ABI2: variants seen among roughly 807,000 people sequenced by gnomAD.
The protein encoded by ABI2 is abelson interactor 2.
Under a neutral mutation model 59.2 loss-of-function variants are expected in ABI2, and 25 were observed. That is an observed-to-expected ratio of 0.42 (90% CI 0.31 to 0.59). The LOEUF is 0.59. Ranked by LOEUF, ABI2 falls within the 20% of genes least tolerant of loss-of-function variation. The pLI, the probability that ABI2 is intolerant of heterozygous loss-of-function variation, is 0.14. For synonymous variants in ABI2, 213 were observed against 235.5 expected (o/e 0.90, Z 0.87); for missense variants, 545 against 681.8 (o/e 0.80, Z 2.23).
chr2:203,336,528 C>CA (rs2152411333), intron 1 of ABI2, among the ~76,000 whole-genome samples: 1 of 152,304 alleles, frequency 6.6e-6, no homozygotes, highest in African/African-American at 2.4e-5. Context: ...AGTGCCTCAT[C>CA]ACCTCCTAGT....
intron 1 of ABI2, among the ~76,000 whole-genome samples, chr2:203,339,002 A>G (rs1201294129): frequency 5.7e-5 from 6 of 105,318 alleles, no homozygotes; most frequent in Non-Finnish European, 1.1e-4. Context: ...ATATATATAT[A>G]TATATAAAGG....
At chr2:203,420,741 A>G (rs2098163887) in intron 11 of ABI2, among the ~76,000 whole-genome samples, 1 of 152,154 alleles carries the variant, frequency 6.6e-6, no homozygotes, top group African/African-American at 2.4e-5. Flanking sequence ...GTCAGCATGG[A>G]TGCTCTATTA....
At chr2:203,402,038 CTATT>C (rs2097245335) in intron 8 of ABI2, among the ~76,000 whole-genome samples, 5 of 151,960 alleles carry the variant, frequency 3.3e-5, no homozygotes, top group Admixed American at 3.3e-4. Flanking sequence ...AAGTAGCAAA[CTATT>C]TATTTATTTT....
In ABI2 at chr2:203,430,980, T is replaced by G. The variant is rs1397925547; in HGVS notation, c.*3628T>G. ...TGTTTTTATCTTTTACTACCTTTTC[T>G]TTTCTCCTTTGTGGAGACAGCATGA... is the stretch of plus-strand genomic sequence containing the variant. On this transcript the variant is annotated 3_prime_UTR_variant, in exon 12 of 12. Coordinates refer to ENST00000261018, the MANE Select transcript of ABI2 (RefSeq NM_001375670.1). 1 of 152,230 alleles carries G rather than the reference T, an allele frequency of 6.6e-6. No individual in the cohort carries two copies. The highest frequency in any genetic ancestry group is 1.9e-4 in the East Asian group (1 of 5,202). The allele number at this position is 152,230 out of a possible 1,614,324, so 9.4% of individuals were successfully genotyped here.
chr2:203,388,435 C>T (rs559838220), intron 4 of ABI2, among the ~76,000 whole-genome samples: 5 of 152,192 alleles, frequency 3.3e-5, no homozygotes, highest in South Asian at 4.2e-4. Context: ...GTAATCCCAG[C>T]GCTTTGGGAG....
chr2:203,333,042 T>A (rs748863110), intron 1 of ABI2, among the ~76,000 whole-genome samples: 3 of 152,188 alleles, frequency 2.0e-5, no homozygotes, highest in Non-Finnish European at 1.5e-5. Flanking sequence ...CTTCTCTTAA[T>A]CAATGTGGAT....
At chr2:203,384,303 T>TTG (rs1559289443) in intron 4 of ABI2, among the ~76,000 whole-genome samples, 6 of 144,524 alleles carry the variant, frequency 4.2e-5, no homozygotes, top group African/African-American at 7.8e-5. Context: ...TTTTTTTTTT[T>TTG]TTTTTTTTTT....
At chr2:203,342,661 C>T (rs921417494) in intron 1 of ABI2, among the ~76,000 whole-genome samples, 1 of 151,790 alleles carries the variant, frequency 6.6e-6, no homozygotes, top group Non-Finnish European at 1.5e-5. Context: ...CTCACTGCAG[C>T]CTCTGCCTCC....
At chr2:203,376,215 C>A in intron 2 of ABI2, 1 of 1,001,494 alleles carries the variant, frequency 1.0e-6, no homozygotes. Flanking sequence ...GGACATTTGG[C>A]AATGTTAGAC....
At chr2:203,387,441 C>T (rs905294116) in intron 4 of ABI2, among the ~76,000 whole-genome samples, 12 of 152,152 alleles carry the variant, frequency 7.9e-5, no homozygotes, top group South Asian at 4.1e-4. Flanking sequence ...CTTCTACCTC[C>T]GGTGGTATTT....
At chr2:203,345,140 C>T (rs1397341453) in intron 1 of ABI2, among the ~76,000 whole-genome samples, 1 of 152,224 alleles carries the variant, frequency 6.6e-6, no homozygotes, top group Non-Finnish European at 1.5e-5. Flanking sequence ...TGGGTCCGCA[C>T]TACCTTTATG....
rs199823599 is a variant in ABI2 at position 203,405,715 on chromosome 2, T to TG, written c.1192+2988dup. Among the ~76,000 whole-genome samples the TG allele has an allele frequency of 9.3e-4, 142 of 152,142 alleles. No individual in the cohort carries two copies. The East Asian group carries it at 0.017, about 19-fold the overall frequency. On this transcript the variant is annotated intron_variant, in intron 9 of 11. Coordinates refer to ENST00000261018, the MANE Select transcript of ABI2 (RefSeq NM_001375670.1). The stretch of plus-strand genomic sequence containing the variant: ...GTGTGTGTTTTATGAGCTTTTTTTT[T>TG]GGGGGGGTAATTGGAGTCTTGCTGT...
At chr2:203,341,559 A>C (rs1301378635) in intron 1 of ABI2, among the ~76,000 whole-genome samples, 1 of 152,044 alleles carries the variant, frequency 6.6e-6, no homozygotes, top group African/African-American at 2.4e-5. Flanking sequence ...TACTAAAAAC[A>C]AAAAAATTTC....
At chr2:203,421,341 A>G (rs2098196056) in intron 11 of ABI2, among the ~76,000 whole-genome samples, 1 of 152,226 alleles carries the variant, frequency 6.6e-6, no homozygotes, top group African/African-American at 2.4e-5. Context: ...GCACTTTTCA[A>G]AGTTATTTGC....
intron 7 of ABI2, among the ~76,000 whole-genome samples, chr2:203,396,239 G>A (rs899157640): frequency 3.0e-4 from 46 of 152,196 alleles, no homozygotes; most frequent in African/African-American, 1.0e-3. Flanking sequence ...TATTTGATTC[G>A]AGGAGATACA....
chr2:203,420,235 C>T (rs1361077480), intron 11 of ABI2, among the ~76,000 whole-genome samples: 2 of 152,176 alleles, frequency 1.3e-5, no homozygotes, highest in African/African-American at 4.8e-5. Flanking sequence ...TAAGTCCTCC[C>T]TGGAAAACTT....
chr2:203,378,318 A>C (rs1028441523), intron 2 of ABI2, among the ~76,000 whole-genome samples: 1 of 152,018 alleles, frequency 6.6e-6, no homozygotes, highest in Non-Finnish European at 1.5e-5. Flanking sequence ...TCACCGTGTT[A>C]GCCAGGATGG....
At chr2:203,331,637 G>A (rs995389251) in intron 1 of ABI2, among the ~76,000 whole-genome samples, 4 of 151,912 alleles carry the variant, frequency 2.6e-5, no homozygotes, top group Admixed American at 2.6e-4. Flanking sequence ...TGGGATTACA[G>A]GCGTGAGCCA....
At chr2:203,425,233 T>C (rs1290902185) in intron 11 of ABI2, among the ~76,000 whole-genome samples, 1 of 152,132 alleles carries the variant, frequency 6.6e-6, no homozygotes, top group Admixed American at 6.5e-5. Flanking sequence ...CTTTTATTTT[T>C]CTTTTTTGAG....
Sources: gnomAD v4.1 joint callset for allele counts (sites outside exome capture counted in the v4.1 genomes callset) on GRCh38, gnomAD v4.1.1 for gene constraint, MANE v1.5 for transcripts, NCBI Gene and HGNC (gene_info 2026-07-23, HGNC 2026-07-21) for gene names.